The following PFKFB3 variants were observed in gnomAD, a reference collection of about 807,000 sequenced individuals.
The protein encoded by PFKFB3 is 6-phosphofructo-2-kinase/fructose-2,6-biphosphatase 3.
PFKFB3 carries 33 observed loss-of-function variants against 68.0 expected under a neutral mutation model. That is an observed-to-expected ratio of 0.49 (90% confidence interval 0.37 to 0.65). PFKFB3 has a LOEUF of 0.65. Among genes scored for constraint, PFKFB3 ranks in the 30% least tolerant of loss-of-function variants. The pLI, the probability that PFKFB3 is intolerant of heterozygous loss-of-function variation, is 0.00. For missense variants in PFKFB3, 586 were observed against 712.2 expected (o/e 0.82, Z 2.02); for synonymous variants, 315 against 288.2 (o/e 1.09, Z -0.94).
At chr10:6,232,261 C>T (rs370590063) in intron 14 of PFKFB3, among the ~76,000 whole-genome samples, 39 of 58,802 alleles carry the variant, frequency 6.6e-4, no homozygotes, top group African/African-American at 1.9e-3. Flanking sequence ...GGGTGGGTGG[C>T]GGGGGGGTTT....
upstream of PFKFB3, among the ~76,000 whole-genome samples, chr10:6,201,793 G>A (rs567333463): frequency 6.6e-6 from 1 of 151,686 alleles, no homozygotes; most frequent in East Asian, 2.0e-4. The surrounding 1 kb of genome is among the most constrained non-coding windows in gnomAD (Gnocchi z 4.1). Flanking sequence ...CTGAGGCTTC[G>A]TTTGCAAAAG....
chr10:6,288,905 G>A, the PFKFB3 span, among the ~76,000 whole-genome samples: 14 of 151,836 alleles, frequency 9.2e-5, no homozygotes, highest in African/African-American at 3.2e-4. Flanking sequence ...TCTAACTGGT[G>A]TGAGATGGTA....
the PFKFB3 span, among the ~76,000 whole-genome samples, chr10:6,266,414 T>C: frequency 6.6e-6 from 1 of 152,146 alleles, no homozygotes; most frequent in African/African-American, 2.4e-5. Context: ...CAGGCTCATC[T>C]TGTGCCTTCC....
At chr10:6,306,632 G>A in the PFKFB3 span, among the ~76,000 whole-genome samples, 1 of 152,226 alleles carries the variant, frequency 6.6e-6, no homozygotes, top group Non-Finnish European at 1.5e-5. Context: ...ATTTGAGATA[G>A]TGGAGGAAGG....
chr10:6,286,537 C>T, the PFKFB3 span, among the ~76,000 whole-genome samples: 1 of 152,030 alleles, frequency 6.6e-6, no homozygotes. Flanking sequence ...GCCACCGTGC[C>T]CAGTTAATTT....
downstream of PFKFB3, among the ~76,000 whole-genome samples, chr10:6,236,904 G>A (rs1171123552): frequency 2.6e-5 from 4 of 152,176 alleles, no homozygotes; most frequent in South Asian, 4.1e-4. Context: ...TTCAGTAACC[G>A]GGTGGATGCT....
chr10:6,144,932 C>T, upstream of PFKFB3: 49 of 1,203,808 alleles, frequency 4.1e-5, no homozygotes, highest in Non-Finnish European at 5.1e-5. Context: ...AGTCGCGGGG[C>T]TGCCGCTTGG....
chr10:6,174,869 A>G (rs117023349), intron 1 of PFKFB3, among the ~76,000 whole-genome samples: 1,639 of 150,822 alleles, frequency 0.011, 70 homozygotes, highest in East Asian at 0.099. Flanking sequence ...AGGCTGGAGT[A>G]CAGTGGCACG....
intron 14 of PFKFB3, among the ~76,000 whole-genome samples, chr10:6,253,512 A>T (rs1385436920): frequency 6.6e-6 from 1 of 152,146 alleles, no homozygotes; most frequent in African/African-American, 2.4e-5. Flanking sequence ...TGGTACCCTA[A>T]AGGAGCTGGA....
At chr10:6,169,271 G>A (rs1842233463) in intron 1 of PFKFB3, among the ~76,000 whole-genome samples, 1 of 152,208 alleles carries the variant, frequency 6.6e-6, no homozygotes, top group African/African-American at 2.4e-5. Context: ...CAGTGCATCT[G>A]CTTGGGTGGC....
At chr10:6,271,385 C>T in the PFKFB3 span, among the ~76,000 whole-genome samples, 10 of 152,350 alleles carry the variant, frequency 6.6e-5, no homozygotes, top group East Asian at 9.6e-4. Flanking sequence ...ACAGCTGCCT[C>T]CTGGGGGTGT....
intron 1 of PFKFB3, among the ~76,000 whole-genome samples, chr10:6,152,550 C>T (rs969073765): frequency 2.6e-5 from 4 of 152,224 alleles, no homozygotes; most frequent in East Asian, 1.9e-4. Context: ...AGGAGGGCTG[C>T]GGATCTGGTA....
the PFKFB3 span, among the ~76,000 whole-genome samples, chr10:6,276,919 T>C: frequency 6.6e-6 from 1 of 151,484 alleles, no homozygotes; most frequent in Non-Finnish European, 1.5e-5. Flanking sequence ...ATCACCCAAA[T>C]CAAGATATAT....
At chr10:6,270,870 A>G in the PFKFB3 span, among the ~76,000 whole-genome samples, 3 of 152,054 alleles carry the variant, frequency 2.0e-5, no homozygotes, top group Admixed American at 1.3e-4. Context: ...TTGACTCAGC[A>G]CTCTCTTCCC....
At position 6,216,106 on chromosome 10, in the gene PFKFB3, A is replaced by G. The variant is rs769437140; in HGVS notation, c.300-19A>G. ...GATGCACCGGCGCTGACATTCGGGC[A>G]ATGTCTTGTGCATTCCAGGCAATGT... is the stretch of plus-strand genomic sequence containing the variant. On this transcript the variant is annotated intron_variant, in intron 3 of 14. Transcript: ENST00000379775. 2.5e-6 allele frequency: 4 copies of G among 1,612,736 alleles called. No individual in the cohort carries two copies. The South Asian group carries it at 3.3e-5, about 13-fold the overall frequency.
intron 1 of PFKFB3, among the ~76,000 whole-genome samples, chr10:6,178,696 C>T (rs763379349): frequency 9.9e-5 from 15 of 152,196 alleles, no homozygotes; most frequent in African/African-American, 1.2e-4. Flanking sequence ...ATCTCGGCCT[C>T]GAGTTGATCT....
chr10:6,188,151 AG>A (rs1842925674), intron 1 of PFKFB3, among the ~76,000 whole-genome samples: 1 of 151,186 alleles, frequency 6.6e-6, no homozygotes, highest in Non-Finnish European at 1.5e-5. Context: ...GAACCATTTG[AG>A]AGTTAGACGC....
At chr10:6,303,989 C>T in the PFKFB3 span, among the ~76,000 whole-genome samples, 1 of 151,926 alleles carries the variant, frequency 6.6e-6, no homozygotes, top group African/African-American at 2.4e-5. Flanking sequence ...GTGCAGGGGA[C>T]GGCAGAGACA....
In PFKFB3 at chr10:6,155,140, G is replaced by A. The variant is rs560386571; in HGVS notation, c.16+10127G>A. Among the ~76,000 whole-genome samples the A allele has an allele frequency of 2.2e-4, 34 of 152,134 alleles. No individual in the cohort carries two copies. The South Asian group carries it at 5.2e-3, about 23-fold the overall frequency. ...CAAAGAATTCCGAAAGGTTCTGAGG[G>A]GTTTACTCCGGGCACTGAGCATGCT... is the stretch of plus-strand genomic sequence containing the variant. On this transcript the variant is annotated intron_variant, in intron 1 of 14. Transcript: ENST00000379789.
Sources: gnomAD v4.1 joint callset for allele counts (sites outside exome capture counted in the v4.1 genomes callset) on GRCh38, gnomAD v4.1.1 for gene constraint, Gnocchi (gnomAD v3.1) non-coding constraint, MANE v1.5 for transcripts, NCBI Gene and HGNC (gene_info 2026-07-23, HGNC 2026-07-21) for gene names.